Variants in STAG1 observed in about 807,000 individuals in gnomAD.
STAG1 encodes the protein STAG1 cohesin complex component.
In STAG1, 26 loss-of-function variants were observed where a neutral mutation model predicts 170.9. That is an observed-to-expected ratio of 0.15 (90% CI 0.11 to 0.21). STAG1 has a LOEUF of 0.21. Among genes scored for constraint, STAG1 ranks in the 10% least tolerant of loss-of-function variants. STAG1 has a pLI of 1.00. For synonymous variants in STAG1, 514 were observed against 497.7 expected (o/e 1.03, Z -0.44); for missense variants, 964 against 1,509.5 (o/e 0.64, Z 5.99).
At chr3:136,357,947 C>G in intron 27 of STAG1, 99 bp from the exon 28 acceptor site, 1 of 981,782 alleles carries the variant, frequency 1.0e-6, no homozygotes, top group South Asian at 1.6e-5. Context: ...AAAATTATCA[C>G]AAAAGGTAGT....
chr3:136,608,747 T>C (rs954352866), intron 3 of STAG1, among the ~76,000 whole-genome samples: 2 of 139,132 alleles, frequency 1.4e-5, no homozygotes, highest in Non-Finnish European at 3.0e-5. Flanking sequence ...GAGTCTGCAG[T>C]GAGCCGTGAT....
At chr3:136,685,172 C>T (rs781670393) in intron 1 of STAG1, among the ~76,000 whole-genome samples, 4 of 151,896 alleles carry the variant, frequency 2.6e-5, no homozygotes, top group Non-Finnish European at 5.9e-5. Context: ...AAAAATTAGC[C>T]GGATGTGGTG....
chr3:136,480,979 G>C (rs2107828862), intron 9 of STAG1, among the ~76,000 whole-genome samples: 2 of 141,744 alleles, frequency 1.4e-5, no homozygotes, highest in Middle Eastern at 3.6e-3. Context: ...GAGATTTTGG[G>C]CTGAGACGAT....
At chr3:136,513,871 A>G (rs1263163116) in intron 7 of STAG1, among the ~76,000 whole-genome samples, 2 of 152,122 alleles carry the variant, frequency 1.3e-5, no homozygotes, top group African/African-American at 2.4e-5. Flanking sequence ...AAATTCAAAC[A>G]GCAGAAACAA....
chr3:136,478,902 C>A (rs920703954), intron 9 of STAG1, among the ~76,000 whole-genome samples: 2 of 152,022 alleles, frequency 1.3e-5, no homozygotes, highest in African/African-American at 4.8e-5. Flanking sequence ...TTGGGTATTT[C>A]CCTTTTTCTT....
At chr3:136,736,926 C>T (rs1934376190) in intron 1 of STAG1, 1 of 1,590,724 alleles carries the variant, frequency 6.3e-7, no homozygotes, top group Non-Finnish European at 8.6e-7. Flanking sequence ...CTAGTAGCAA[C>T]TTGTAAGCTT....
At chr3:136,636,675 G>A (rs1053364774) in intron 1 of STAG1, among the ~76,000 whole-genome samples, 3 of 152,048 alleles carry the variant, frequency 2.0e-5, no homozygotes, top group Non-Finnish European at 4.4e-5. Flanking sequence ...CATACTTCTG[G>A]TCACAAAAAA....
At chr3:136,720,160 G>A (rs1468590159) in intron 1 of STAG1, among the ~76,000 whole-genome samples, 1 of 138,078 alleles carries the variant, frequency 7.2e-6, no homozygotes, top group Non-Finnish European at 1.5e-5. Context: ...TGGGCAACAA[G>A]AGCGAAATTC....
chr3:136,616,676 C>A (rs904542156), intron 3 of STAG1, among the ~76,000 whole-genome samples: 1 of 152,100 alleles, frequency 6.6e-6, no homozygotes, highest in African/African-American at 2.4e-5. Context: ...AGGAGTCCTA[C>A]TGGGCAGACT....
At chr3:136,702,479 C>T (rs1210664548) in intron 1 of STAG1, among the ~76,000 whole-genome samples, 1 of 152,062 alleles carries the variant, frequency 6.6e-6, no homozygotes, top group Non-Finnish European at 1.5e-5. Context: ...CTCCGCCTCC[C>T]GGGTTCAAGT....
intron 6 of STAG1, among the ~76,000 whole-genome samples, chr3:136,530,809 A>G (rs1194446318): frequency 6.6e-6 from 1 of 152,196 alleles, no homozygotes; most frequent in Non-Finnish European, 1.5e-5. Flanking sequence ...GCATCAAAAG[A>G]GTAATAAGGT....
intron 8 of STAG1, 125 bp downstream of exon 8, chr3:136,502,503 C>A: frequency 9.5e-7 from 1 of 1,056,134 alleles, no homozygotes; most frequent in Non-Finnish European, 1.3e-6. Flanking sequence ...TTTGGAAACC[C>A]TGACATCAAA....
intron 1 of STAG1, among the ~76,000 whole-genome samples, chr3:136,700,781 T>C (rs897319021): frequency 6.6e-6 from 1 of 151,974 alleles, no homozygotes; most frequent in Non-Finnish European, 1.5e-5. Flanking sequence ...TCAACGATCC[T>C]GTTCATTTAT....
At chr3:136,483,974 A>G (rs2089945263) in intron 9 of STAG1, among the ~76,000 whole-genome samples, 2 of 29,266 alleles carry the variant, frequency 6.8e-5, no homozygotes, top group African/African-American at 1.4e-4. Context: ...CTAGTTATAC[A>G]TTCTTCTAAA....
At chr3:136,680,808 C>T (rs563241839) in intron 1 of STAG1, among the ~76,000 whole-genome samples, 2 of 150,826 alleles carry the variant, frequency 1.3e-5, no homozygotes, top group East Asian at 3.9e-4. Flanking sequence ...ATTACATATA[C>T]CTATATACGT....
chr3:136,467,707 T>G (rs1469497911), intron 12 of STAG1, among the ~76,000 whole-genome samples: 1 of 152,142 alleles, frequency 6.6e-6, no homozygotes, highest in African/African-American at 2.4e-5. Flanking sequence ...AGAATATACA[T>G]TCTTCTCAGC....
chr3:136,571,457 T>C (rs1937263385), intron 4 of STAG1, among the ~76,000 whole-genome samples: 1 of 151,842 alleles, frequency 6.6e-6, no homozygotes, highest in African/African-American at 2.4e-5. Context: ...AGTCCCAGCT[T>C]ACTTGGGAGG....
intron 9 of STAG1, among the ~76,000 whole-genome samples, chr3:136,490,499 A>G (rs1246236662): frequency 6.6e-6 from 1 of 152,204 alleles, no homozygotes; most frequent in East Asian, 1.9e-4. Flanking sequence ...GTTACCCTGC[A>G]TTACGCCTTA....
At chr3:136,512,275 C>T (rs1357781368) in intron 7 of STAG1, among the ~76,000 whole-genome samples, 2 of 152,022 alleles carry the variant, frequency 1.3e-5, no homozygotes, top group African/African-American at 4.8e-5. Flanking sequence ...CACTGCACTC[C>T]AGCCTGGATG....
Sources: allele counts gnomAD v4.1 joint callset (sites outside exome capture counted in the v4.1 genomes callset), GRCh38; gene constraint gnomAD v4.1.1; transcripts MANE v1.5; gene names NCBI Gene and HGNC (gene_info 2026-07-23, HGNC 2026-07-21).